Variants in ADGRL2 observed in about 807,000 individuals in gnomAD.
The protein encoded by ADGRL2 is calcium-independent alpha-latrotoxin receptor 2.
ADGRL2 carries 44 observed loss-of-function variants against 157.4 expected under a neutral mutation model. The ratio of observed to expected loss-of-function variants is 0.28; its 90% confidence interval spans 0.22 to 0.36. ADGRL2 has a LOEUF of 0.36. Among genes scored for constraint, ADGRL2 ranks in the 10% least tolerant of loss-of-function variants. The pLI, the probability that ADGRL2 is intolerant of heterozygous loss-of-function variation, is 1.00. For synonymous variants in ADGRL2, 585 were observed against 624.7 expected, an observed-to-expected ratio of 0.94 and a Z score of 0.95; for missense variants, 1,510 against 1,768.9, an observed-to-expected ratio of 0.85 and a Z score of 2.63.
intron 2 of ADGRL2, among the ~76,000 whole-genome samples, chr1:81,508,723 A>C (rs559311617): frequency 6.6e-6 from 1 of 152,304 alleles, no homozygotes; most frequent in African/African-American, 2.4e-5. Flanking sequence ...CAGAATACAT[A>C]ATAGGGAACA....
intron 2 of ADGRL2, among the ~76,000 whole-genome samples, chr1:81,526,109 C>G: frequency 6.6e-6 from 1 of 152,122 alleles, no homozygotes; most frequent in East Asian, 1.9e-4. Context: ...TAGACAATTA[C>G]ATAAAAGCTA....
chr1:81,402,023 G>A (rs2076765882), intron 1 of ADGRL2, among the ~76,000 whole-genome samples: 2 of 152,144 alleles, frequency 1.3e-5, no homozygotes, highest in African/African-American at 4.8e-5. Flanking sequence ...TCCAAGAGAT[G>A]TAAACTAAAT....
intron 1 of ADGRL2, among the ~76,000 whole-genome samples, chr1:81,712,751 G>A (rs2083972673): frequency 7.1e-6 from 1 of 141,084 alleles, no homozygotes; most frequent in Non-Finnish European, 1.5e-5. Context: ...TACCTGGATC[G>A]CGGATTTTTT....
At chr1:81,679,179 G>C (rs967170956) in intron 3 of ADGRL2, among the ~76,000 whole-genome samples, 1 of 152,126 alleles carries the variant, frequency 6.6e-6, no homozygotes, top group African/African-American at 2.4e-5. Flanking sequence ...TGGGTGGACA[G>C]GATTGAGTGT....
chr1:81,706,440 A>G (rs1217521576), intron 1 of ADGRL2, among the ~76,000 whole-genome samples: 2 of 152,096 alleles, frequency 1.3e-5, no homozygotes, highest in African/African-American at 2.4e-5. Flanking sequence ...TATCGAATCC[A>G]ATTTGGACGT....
intron 22 of ADGRL2, chr1:81,987,253 A>G (rs756601740): frequency 6.4e-7 from 1 of 1,555,568 alleles, no homozygotes; most frequent in South Asian, 1.1e-5. Flanking sequence ...CCATGTTTTT[A>G]ACACAGGTGG....
intron 1 of ADGRL2, among the ~76,000 whole-genome samples, chr1:81,378,816 C>T (rs771031032): frequency 6.6e-6 from 1 of 152,080 alleles, no homozygotes; most frequent in Non-Finnish European, 1.5e-5. Context: ...AATCTTTTAA[C>T]CCTCTTTAAC....
At chr1:81,473,238 G>A (rs991320593) in intron 2 of ADGRL2, among the ~76,000 whole-genome samples, 2 of 152,126 alleles carry the variant, frequency 1.3e-5, no homozygotes, top group Non-Finnish European at 2.9e-5. Context: ...TCACAGTTTT[G>A]GCAGAGGTCG....
chr1:81,475,641 G>A (rs566950298), intron 2 of ADGRL2, among the ~76,000 whole-genome samples: 3 of 152,214 alleles, frequency 2.0e-5, no homozygotes, highest in African/African-American at 7.2e-5. Context: ...AAAGAGAAAA[G>A]CAAAGATCTC....
Position 81,968,214 on chromosome 1 carries a change from TTC to T in ADGRL2, c.2523+17_2523+18del. Reference sequence around the variant, plus strand: ...GGGAAATTGCAGTAAGTATTTGCACTTCTAATTAGTAGCAGAGAAAAACCTCA... The same window carrying T: ...GGGAAATTGCAGTAAGTATTTGCACTTAATTAGTAGCAGAGAAAAACCTCA... On this transcript the variant is annotated intron_variant, in intron 14 of 23. Coordinates refer to ENST00000686636, the MANE Select transcript of ADGRL2 (RefSeq NM_001366006.2). The T allele has an allele frequency of 6.2e-7, 1 of 1,602,326 alleles. No individual in the cohort carries two copies. Among genetic ancestry groups the T allele is most frequent in the Non-Finnish European group, 8.5e-7 (1 of 1,175,718 alleles).
chr1:81,524,232 G>A (rs1466333391), intron 2 of ADGRL2, among the ~76,000 whole-genome samples: 1 of 152,096 alleles, frequency 6.6e-6, no homozygotes, highest in Non-Finnish European at 1.5e-5. Flanking sequence ...CGGATGTGGT[G>A]ACGGGCGCCT....
chr1:81,380,919 A>G (rs928222670), intron 1 of ADGRL2, among the ~76,000 whole-genome samples: 7 of 152,134 alleles, frequency 4.6e-5, no homozygotes, highest in African/African-American at 1.4e-4. Flanking sequence ...ACAGAAATAC[A>G]TGTGGAAACT....
intron 1 of ADGRL2, among the ~76,000 whole-genome samples, chr1:81,816,693 C>G (rs35346051): frequency 6.6e-6 from 1 of 151,736 alleles, no homozygotes; most frequent in Admixed American, 6.6e-5. Context: ...AAGATGTTTA[C>G]AGTACTTTCA....
At chr1:81,580,795 T>A (rs2080891821) in intron 2 of ADGRL2, 1 of 152,200 alleles carries the variant, frequency 6.6e-6, no homozygotes, top group Admixed American at 6.5e-5. Context: ...GCCAGTATAA[T>A]ACCTAATTTG....
At chr1:81,896,852 C>A (rs2094399037) in intron 2 of ADGRL2, among the ~76,000 whole-genome samples, 1 of 152,158 alleles carries the variant, frequency 6.6e-6, no homozygotes. Flanking sequence ...ATTGTTCATT[C>A]ATTCATATAT....
chr1:81,475,239 G>A (rs988474089), intron 2 of ADGRL2, among the ~76,000 whole-genome samples: 5 of 152,064 alleles, frequency 3.3e-5, no homozygotes, highest in Non-Finnish European at 4.4e-5. Flanking sequence ...AGTCATTACT[G>A]CCTTTCAAAA....
chr1:81,317,727 C>A (rs1226334378), intron 1 of ADGRL2, among the ~76,000 whole-genome samples: 1 of 152,056 alleles, frequency 6.6e-6, no homozygotes. Context: ...TATAACTGTT[C>A]TTAAAATTTT....
chr1:81,990,013 T>C, intron 23 of ADGRL2: 2 of 984,668 alleles, frequency 2.0e-6, no homozygotes, highest in Non-Finnish European at 2.4e-6. Flanking sequence ...TAAACCATAG[T>C]CTTGTACTTT....
intron 3 of ADGRL2, among the ~76,000 whole-genome samples, chr1:81,642,172 C>A (rs1226631377): frequency 6.7e-6 from 1 of 148,666 alleles, no homozygotes; most frequent in Non-Finnish European, 1.5e-5. Context: ...GGCATGAACC[C>A]AGGAGGCGGA....
Sources: allele counts gnomAD v4.1 joint callset (sites outside exome capture counted in the v4.1 genomes callset), GRCh38; gene constraint gnomAD v4.1.1; transcripts MANE v1.5; gene names NCBI Gene and HGNC (gene_info 2026-07-23, HGNC 2026-07-21).